KDM2B: variants seen among roughly 807,000 people sequenced by gnomAD.
KDM2B encodes lysine-specific demethylase 2B.
KDM2B carries 26 observed loss-of-function variants against 150.0 expected under a neutral mutation model. The observed-to-expected ratio is 0.17, with a 90% confidence interval of 0.13 to 0.24. The LOEUF (loss-of-function observed/expected upper bound fraction) is 0.24. KDM2B is among the 10% of genes least tolerant of loss of function. The probability of loss-of-function intolerance (pLI) is 1.00; values close to 1 mark genes in which losing one functional copy is unlikely to be tolerated. For missense variants in KDM2B, 1,265 were observed against 1,816.9 expected (o/e 0.70, Z 5.52); for synonymous variants, 734 against 729.5 (o/e 1.01, Z -0.10).
chr12:121,579,756 A>G, intron 1 of KDM2B: 1 of 1,215,882 alleles, frequency 8.2e-7, no homozygotes, highest in East Asian at 4.8e-5. Context: ...GCGAACCCCG[A>G]GCCCGCTCAG....
At chr12:121,434,410 C>T (rs782430147) in intron 22 of KDM2B, among the ~76,000 whole-genome samples, 1 of 149,798 alleles carries the variant, frequency 6.7e-6, no homozygotes, top group African/African-American at 2.5e-5. Context: ...GCAGGAGAAT[C>T]ACTTGAACCC....
rs1889296750 is a variant in KDM2B, at chr12:121,549,194, G to A, written c.577-211C>T. Among the ~76,000 whole-genome samples the A allele has an allele frequency of 6.6e-6, 1 of 152,132 alleles. No homozygotes were observed. The highest frequency in any genetic ancestry group is 2.1e-4 in the South Asian group (1 of 4,830). On this transcript the variant is annotated intron_variant, in intron 5 of 22. Transcript: ENST00000377071. The surrounding 1 kb of genome is among the most constrained non-coding windows in gnomAD (Gnocchi z 4.4). ...AAACAGTCGCTGGGGGTCGGGCACG[G>A]TAGCTTATACCTCTAATCTAAGTGC... is the stretch of plus-strand genomic sequence containing the variant.
At chr12:121,420,152 G>A in the KDM2B span, 3 of 1,190,866 alleles carry the variant, frequency 2.5e-6, no homozygotes, top group Non-Finnish European at 3.7e-6. Context: ...TGGCTTTCTG[G>A]TCATCATGGG....
Position 121,429,747 on chromosome 12 carries a change from C to T in KDM2B, c.*541G>A. On this transcript the variant is annotated 3_prime_UTR_variant, in exon 23 of 23. Coordinates refer to ENST00000377071, the MANE Select transcript of KDM2B (RefSeq NM_032590.5). ...AGGAAATCAGGAAAATTGGCAATCT[C>T]AAAACAATAAAAACACTGGTATGCA... 2 of 471,064 alleles carry T rather than the reference C, an allele frequency of 4.2e-6. 1 individual carries two copies. The highest frequency in any genetic ancestry group is 6.5e-5 in the East Asian group (2 of 30,712). 29.2% of individuals were successfully genotyped at this position (471,064 alleles called of 1,614,324 possible). A position where few individuals can be genotyped will look rare whatever the true frequency, so the allele number is the denominator to read the frequency against.
intron 8 of KDM2B, among the ~76,000 whole-genome samples, chr12:121,528,069 C>CTG (rs1446498064): frequency 6.6e-6 from 1 of 152,230 alleles, no homozygotes; most frequent in Non-Finnish European, 1.5e-5. Flanking sequence ...GCACTGTTTA[C>CTG]TGTGGCCTTG....
intron 4 of KDM2B, among the ~76,000 whole-genome samples, chr12:121,559,900 T>A (rs1188830830): frequency 1.5e-5 from 2 of 134,684 alleles, no homozygotes; most frequent in Non-Finnish European, 3.1e-5. Flanking sequence ...CAAAACTCCA[T>A]CTCAAAAAAA....
rs745796203 is a variant in KDM2B, at chr12:121,508,148, G to A, written c.1647+1419C>T. ...GTTGCCCAGGCTAGAGTGCAGTGGCGAGACCATGGCTCCCTATAGCAGTGA... is the reference window on the plus strand; with the variant it reads ...GTTGCCCAGGCTAGAGTGCAGTGGCAAGACCATGGCTCCCTATAGCAGTGA... On this transcript the variant is annotated intron_variant, in intron 11 of 22. Coordinates refer to ENST00000377071, the MANE Select transcript of KDM2B (RefSeq NM_032590.5). 3.9e-5 allele frequency among the ~76,000 whole-genome samples: 6 copies of A among 152,008 alleles called. No individual in the cohort carries two copies. The East Asian group carries it at 9.7e-4, about 25-fold the overall frequency.
chr12:121,443,669 C>G lies in KDM2B; in HGVS notation c.2565+11G>C. 1 of 1,575,842 alleles carries G rather than the reference C, an allele frequency of 6.3e-7. No individual in the cohort carries two copies. The highest frequency in any genetic ancestry group is 8.7e-7 in the Non-Finnish European group (1 of 1,149,472). On this transcript the variant is annotated intron_variant, in intron 17 of 22. Transcript: ENST00000377071. Reference sequence around the variant, plus strand: ...CCCGGGGCCTCAGGAGGGCGTGCGTCGTGGGAGCACCTGCTGCTGGAAGTA... The same window carrying G: ...CCCGGGGCCTCAGGAGGGCGTGCGTGGTGGGAGCACCTGCTGCTGGAAGTA...
intron 6 of KDM2B, among the ~76,000 whole-genome samples, chr12:121,547,913 T>C (rs1325696882): frequency 2.0e-5 from 3 of 152,004 alleles, no homozygotes; most frequent in African/African-American, 7.3e-5. Flanking sequence ...AGTGCTGGGA[T>C]TACAGGTGTG....
chr12:121,442,937 CGGTGCAGCT>C lies in KDM2B; in HGVS notation c.2604+46_2604+54del. The C allele has an allele frequency of 6.2e-7, 1 of 1,602,026 alleles. No homozygotes were observed. The highest frequency in any genetic ancestry group is 8.5e-7 in the Non-Finnish European group (1 of 1,174,032). On this transcript the variant is annotated intron_variant, in intron 18 of 22. Transcript: ENST00000377071. The surrounding 1 kb of genome is among the most constrained non-coding windows in gnomAD (Gnocchi z 7.7). ...CACGGGACTGTGGCCCAGGGAGCTGCGGTGCAGCTCTAACCGCTCAGGCCTGGGGCACAG... is the reference window on the plus strand; with the variant it reads ...CACGGGACTGTGGCCCAGGGAGCTGCCTAACCGCTCAGGCCTGGGGCACAG...
intron 22 of KDM2B, among the ~76,000 whole-genome samples, chr12:121,435,037 G>A (rs141743686): frequency 1.0e-4 from 14 of 139,336 alleles, no homozygotes; most frequent in East Asian, 2.1e-4. Flanking sequence ...CCAACAAAGG[G>A]AAAAAAAAAA....
At chr12:121,527,431 C>T (rs1417994954) in intron 8 of KDM2B, among the ~76,000 whole-genome samples, 3 of 145,250 alleles carry the variant, frequency 2.1e-5, no homozygotes, top group Non-Finnish European at 4.5e-5. Flanking sequence ...GAGGCCAAGG[C>T]GGGCAGATCA....
In KDM2B at chr12:121,453,011, C is replaced by G; in HGVS notation, c.1959+109G>C. 1.9e-6 allele frequency: 2 copies of G among 1,043,490 alleles called. No homozygotes were observed. The highest frequency in any genetic ancestry group is 2.7e-6 in the Non-Finnish European group (2 of 740,666). 64.6% of individuals were successfully genotyped at this position (1,043,490 alleles called of 1,614,324 possible). ...AAGAGCTCTCGGGGAGTCCACAGCC[C>G]CGGCTTCTCTGTGTGCGGAGGGGCG... On this transcript the variant is annotated intron_variant, in intron 13 of 22. Coordinates refer to ENST00000377071, the MANE Select transcript of KDM2B (RefSeq NM_032590.5). This position sits in a 1 kb window ranked among gnomAD's most constrained non-coding sequence, Gnocchi z 6.4.
the KDM2B span, among the ~76,000 whole-genome samples, chr12:121,419,691 G>A: frequency 6.6e-6 from 1 of 152,172 alleles, no homozygotes. Context: ...AGAGATTTGT[G>A]TTTTCTAAAG....
At chr12:121,413,430 G>A in the KDM2B span, among the ~76,000 whole-genome samples, 1 of 72,646 alleles carries the variant, frequency 1.4e-5, no homozygotes, top group South Asian at 5.4e-4. Flanking sequence ...TTTTTTTTTT[G>A]AGACGGAGTT....
chr12:121,462,239 TG>T (rs1555293875), intron 12 of KDM2B, among the ~76,000 whole-genome samples: 1 of 152,130 alleles, frequency 6.6e-6, no homozygotes, highest in Non-Finnish European at 1.5e-5. Flanking sequence ...CAGGAAAAGC[TG>T]GATTTTACCA....
At chr12:121,567,204 C>A (rs1555315144) in intron 4 of KDM2B, among the ~76,000 whole-genome samples, 1 of 151,764 alleles carries the variant, frequency 6.6e-6, no homozygotes, top group East Asian at 1.9e-4. Flanking sequence ...ATATATATAT[C>A]TGACAAAAGA....
rs139867083 is a variant in KDM2B at position 121,483,024 on chromosome 12, G to A, written c.1734+11555C>T. 4.7e-3 allele frequency among the ~76,000 whole-genome samples: 714 copies of A among 152,098 alleles called. 4 individuals are homozygous for A. Among genetic ancestry groups the A allele is most frequent in the Non-Finnish European group, 7.8e-3 (530 of 67,996 alleles). On this transcript the variant is annotated intron_variant, in intron 12 of 22. Coordinates refer to ENST00000377071, the MANE Select transcript of KDM2B (RefSeq NM_032590.5). ...CTAAAAATACAAAAATTACCTGGGC[G>A]TGGTGGGGGGCGCCTGTAATCCCAG...
At chr12:121,471,624 G>A (rs1880780300) in intron 12 of KDM2B, among the ~76,000 whole-genome samples, 1 of 152,134 alleles carries the variant, frequency 6.6e-6, no homozygotes, top group African/African-American at 2.4e-5. Context: ...AGGGCAGACT[G>A]GGCAGCAGCT....
Sources: allele counts gnomAD v4.1 joint callset (sites outside exome capture counted in the v4.1 genomes callset), GRCh38; gene constraint gnomAD v4.1.1; non-coding constraint Gnocchi (gnomAD v3.1); transcripts MANE v1.5; gene names NCBI Gene and HGNC (gene_info 2026-07-23, HGNC 2026-07-21).